Variants in CES5A observed in about 807,000 individuals in gnomAD.
CES5A encodes the protein carboxylesterase 5A.
Under a neutral mutation model 62.9 loss-of-function variants are expected in CES5A, and 67 were observed. The observed-to-expected ratio is 1.07, with a 90% CI of 0.88 to 1.31. The LOEUF (loss-of-function observed/expected upper bound fraction) is 1.31. CES5A is among the 50% of genes most tolerant of loss of function. CES5A has a pLI of 0.00. For missense variants in CES5A, 748 were observed against 708.5 expected (o/e 1.06, Z -0.63); for synonymous variants, 296 against 280.8 (o/e 1.05, Z -0.54).
chr16:55,905,757 G>T (rs987406807), intron 1 of CES5A, among the ~76,000 whole-genome samples: 20 of 152,174 alleles, frequency 1.3e-4, no homozygotes, highest in Admixed American at 7.2e-4. Flanking sequence ...GCTCTGCAAA[G>T]CACACAGATA....
chr16:55,938,735 C>CAAAAAA (rs1171756916), intron 2 of CES5A, among the ~76,000 whole-genome samples: 1 of 29,130 alleles, frequency 3.4e-5, no homozygotes, highest in Non-Finnish European at 5.0e-5. Flanking sequence ...GACTCCATCT[C>CAAAAAA]AAAAAAAAAA....
At chr16:55,930,205 C>T (rs2034296202), upstream of CES5A, among the ~76,000 whole-genome samples, 1 of 151,176 alleles carries the variant, frequency 6.6e-6, no homozygotes, top group Non-Finnish European at 1.5e-5. Context: ...CTGTCAGAAC[C>T]CCCCACAATT....
In CES5A at chr16:55,869,754, G is replaced by T. The variant is rs13338809; in HGVS notation, c.418-10C>A. Reference sequence around the variant, plus strand: ...GGAACCACACCAAGACCTGAGGAGGGGAGAAGAGCATCCAGTCAGCCCACC... The same window carrying T: ...GGAACCACACCAAGACCTGAGGAGGTGAGAAGAGCATCCAGTCAGCCCACC... On this transcript the variant is annotated splice_polypyrimidine_tract_variant and intron_variant, in intron 3 of 12. Transcript: ENST00000290567. The T allele has an allele frequency of 1.9e-6, 3 of 1,595,000 alleles. No homozygotes were observed. In the African/African-American group the frequency reaches 4.0e-5, roughly 21 times the overall value.
chr16:55,913,685 T>G (rs1459011912), intron 1 of CES5A, among the ~76,000 whole-genome samples: 3 of 152,220 alleles, frequency 2.0e-5, no homozygotes, highest in Non-Finnish European at 4.4e-5. Context: ...ATTTCCTCAG[T>G]TATAAATTTG....
At chr16:55,885,865 T>A (rs1485193151) in intron 1 of CES5A, among the ~76,000 whole-genome samples, 1 of 152,188 alleles carries the variant, frequency 6.6e-6, no homozygotes, top group Non-Finnish European at 1.5e-5. Flanking sequence ...CATTATGAGC[T>A]GAGTATTTTC....
intron 4 of CES5A, among the ~76,000 whole-genome samples, chr16:55,866,471 A>G (rs1162719892): frequency 2.0e-5 from 3 of 152,028 alleles, no homozygotes; most frequent in Non-Finnish European, 4.4e-5. Context: ...TGTACTAGAA[A>G]GCAAGAAGTT....
chr16:55,890,540 C>T (rs1433474559), intron 1 of CES5A, among the ~76,000 whole-genome samples: 1 of 151,774 alleles, frequency 6.6e-6, no homozygotes, highest in African/African-American at 2.4e-5. Context: ...CCTGCATAAC[C>T]TTGATTCCAA....
chr16:55,937,395 T>A (rs2034387883), intron 2 of CES5A, among the ~76,000 whole-genome samples: 2 of 152,204 alleles, frequency 1.3e-5, no homozygotes, highest in East Asian at 3.8e-4. Context: ...GATAAAGCAG[T>A]GAGGCAGGCT....
At chr16:55,848,742 T>C (rs2033068129) in intron 11 of CES5A, among the ~76,000 whole-genome samples, 1 of 152,252 alleles carries the variant, frequency 6.6e-6, no homozygotes, top group Non-Finnish European at 1.5e-5. Flanking sequence ...ACATATGTTG[T>C]TGACTTTTTC....
chr16:55,888,431 C>A lies in CES5A; in HGVS notation c.-255-14394G>T, dbSNP rs76012799. Among the ~76,000 whole-genome samples, 353 of 152,300 alleles carry A rather than the reference C, an allele frequency of 2.3e-3. 1 individual carries two copies. The highest frequency in any genetic ancestry group is 7.9e-3 in the African/African-American group (330 of 41,568). ...AGGCTCCAGCTTCCTGTTATTCAAG[C>A]GAACAATTCTAGTAGATATTCTGTT... On this transcript the variant is annotated intron_variant, in intron 1 of 12. Transcript: ENST00000518005.
intron 1 of CES5A, among the ~76,000 whole-genome samples, chr16:55,881,884 G>C (rs897830051): frequency 4.6e-5 from 7 of 152,192 alleles, no homozygotes; most frequent in African/African-American, 1.2e-4. Flanking sequence ...TGCATAACCA[G>C]AGGTAAGGTG....
At chr16:55,853,776 T>C (rs185261422) in intron 9 of CES5A, among the ~76,000 whole-genome samples, 18 of 152,280 alleles carry the variant, frequency 1.2e-4, no homozygotes, top group African/African-American at 4.1e-4. Flanking sequence ...CAACTTTCCC[T>C]AGGCACTAAT....
At chr16:55,912,446 G>C (rs8061441) in intron 1 of CES5A, among the ~76,000 whole-genome samples, 32,081 of 152,062 alleles carry the variant, frequency 0.21, 3,424 homozygotes, top group Admixed American at 0.23. Flanking sequence ...CAAAGGCCAG[G>C]CACCAAGGGG....
upstream of CES5A, chr16:55,875,487 G>T: frequency 1.4e-6 from 1 of 724,922 alleles, no homozygotes. Flanking sequence ...CTTCCGGGAT[G>T]GGGGAAACAG....
intron 2 of CES5A, among the ~76,000 whole-genome samples, chr16:55,938,797 T>TATATACAC (rs1440495150): frequency 2.0e-5 from 1 of 51,100 alleles, no homozygotes; most frequent in African/African-American, 1.0e-4. Context: ...TATATATATA[T>TATATACAC]ACACACATAT....
chr16:55,938,819 C>CATATATAT (rs2034414891), intron 2 of CES5A, among the ~76,000 whole-genome samples: 1 of 100,980 alleles, frequency 9.9e-6, no homozygotes, highest in African/African-American at 4.1e-5. Flanking sequence ...TATATATACA[C>CATATATAT]ACACATATAT....
intron 1 of CES5A, among the ~76,000 whole-genome samples, chr16:55,874,288 C>T (rs1389567200): frequency 6.6e-6 from 1 of 152,140 alleles, no homozygotes; most frequent in African/African-American, 2.4e-5. Flanking sequence ...AAATTTTCCC[C>T]CATTCACTCA....
At chr16:55,855,925 C>T (rs1226135745) in intron 9 of CES5A, among the ~76,000 whole-genome samples, 3 of 152,122 alleles carry the variant, frequency 2.0e-5, no homozygotes, top group East Asian at 3.9e-4. Context: ...GGCAGTTTCT[C>T]ATGAATGGTT....
At chr16:55,924,012 A>C (rs1427587795) in intron 1 of CES5A, among the ~76,000 whole-genome samples, 1 of 151,954 alleles carries the variant, frequency 6.6e-6, no homozygotes, top group Non-Finnish European at 1.5e-5. Flanking sequence ...GAATAAGACA[A>C]GTATGCCCAC....
Sources: allele counts gnomAD v4.1 joint callset (sites outside exome capture counted in the v4.1 genomes callset), GRCh38; gene constraint gnomAD v4.1.1; transcripts MANE v1.5; gene names NCBI Gene and HGNC (gene_info 2026-07-23, HGNC 2026-07-21).